The following C12orf56 variants were observed in gnomAD, a reference collection of about 807,000 sequenced individuals.
C12orf56 encodes the protein uncharacterized protein C12orf56.
A neutral mutation model predicts 69.9 loss-of-function variants in C12orf56; 71 were observed. That is an observed-to-expected ratio of 1.02 (90% CI 0.84 to 1.24). C12orf56 has a LOEUF of 1.24. C12orf56 is among the 50% of genes most tolerant of loss of function. C12orf56 has a pLI of 0.00. For synonymous variants in C12orf56, 276 were observed against 274.1 expected, an observed-to-expected ratio of 1.01 and a Z score of -0.07; for missense variants, 732 against 738.5, an observed-to-expected ratio of 0.99 and a Z score of 0.10.
intron 1 of C12orf56, among the ~76,000 whole-genome samples, chr12:64,372,058 G>A (rs1213869314): frequency 6.6e-6 from 1 of 151,980 alleles, no homozygotes; most frequent in Non-Finnish European, 1.5e-5. Flanking sequence ...TAGGATTACA[G>A]GCATGAGCCA....
chr12:64,329,738 CATT>C (rs2038904514), intron 3 of C12orf56, among the ~76,000 whole-genome samples: 1 of 139,806 alleles, frequency 7.2e-6, no homozygotes, highest in African/African-American at 2.7e-5. Context: ...CATGTGATCT[CATT>C]GTTCAATTCC....
intron 2 of C12orf56, chr12:64,338,885 G>T: frequency 1.7e-6 from 1 of 604,488 alleles, no homozygotes; most frequent in South Asian, 1.9e-5. Flanking sequence ...CCCCTGTGCA[G>T]ACCTTGGTTT....
At chr12:64,353,271 C>T (rs1039816551) in intron 1 of C12orf56, among the ~76,000 whole-genome samples, 1 of 152,050 alleles carries the variant, frequency 6.6e-6, no homozygotes, top group African/African-American at 2.4e-5. Context: ...GATTCTCCTG[C>T]CTCAGCCTCC....
At chr12:64,304,319 C>G (rs527734194) in intron 5 of C12orf56, among the ~76,000 whole-genome samples, 1 of 152,246 alleles carries the variant, frequency 6.6e-6, no homozygotes, top group Admixed American at 6.5e-5. Context: ...GAGAGGTTCT[C>G]CCTGATGAGA....
intron 2 of C12orf56, among the ~76,000 whole-genome samples, chr12:64,340,049 A>G (rs2039054472): frequency 6.6e-6 from 1 of 152,064 alleles, no homozygotes. Context: ...GTATTAACTC[A>G]CATGATCACA....
chr12:64,286,010 C>T lies in C12orf56; in HGVS notation c.1164G>A (p.Pro388=), dbSNP rs149133524. The change falls in exon 7 of 13, where the codon CCG becomes CCA. Residue 388 remains proline, a synonymous_variant. Coordinates refer to ENST00000543942, the MANE Select transcript of C12orf56 (RefSeq NM_001170633.2). ...FIVNKLHEYL[P]ESRDKNALQN... ...GTAGTGCATTCTTATCCCTAGACTC[C>T]GGCAAGTACTCATGAAGTTTGTTTA... is the stretch of plus-strand genomic sequence containing the variant. 7.5e-4 allele frequency: 1,203 copies of T among 1,611,366 alleles called. 1 individual carries two copies. Among genetic ancestry groups the T allele is most frequent in the Middle Eastern group, 3.1e-3 (19 of 6,044 alleles).
At chr12:64,371,171 G>A (rs531699306) in intron 1 of C12orf56, among the ~76,000 whole-genome samples, 2 of 152,280 alleles carry the variant, frequency 1.3e-5, no homozygotes, top group South Asian at 4.1e-4. Context: ...GGAGGCCGAG[G>A]CTGGTGGATC....
chr12:64,314,251 A>T (rs1284212744), intron 4 of C12orf56, among the ~76,000 whole-genome samples: 2 of 151,848 alleles, frequency 1.3e-5, no homozygotes, highest in Admixed American at 1.3e-4. Context: ...TTGCCAGGCC[A>T]ATTTTTTACT....
At chr12:64,273,690 C>G (rs973068610) in intron 11 of C12orf56, among the ~76,000 whole-genome samples, 2 of 152,226 alleles carry the variant, frequency 1.3e-5, no homozygotes, top group African/African-American at 4.8e-5. Flanking sequence ...CTGCAGGGCT[C>G]TGCTCACTGT....
At chr12:64,326,981 G>A (rs993933684) in intron 3 of C12orf56, among the ~76,000 whole-genome samples, 3 of 152,160 alleles carry the variant, frequency 2.0e-5, no homozygotes, top group Non-Finnish European at 4.4e-5. Flanking sequence ...ATGGATAAGT[G>A]GGTTAATATG....
chr12:64,366,144 T>C (rs1338103458), intron 1 of C12orf56, among the ~76,000 whole-genome samples: 3 of 128,180 alleles, frequency 2.3e-5, no homozygotes, highest in Non-Finnish European at 4.6e-5. Context: ...GTTTATATAT[T>C]ATGTATAATA....
chr12:64,345,585 C>T lies in C12orf56; in HGVS notation c.415+7309G>A, dbSNP rs143389526. Among the ~76,000 whole-genome samples the T allele has an allele frequency of 4.6e-5, 7 of 152,234 alleles. No individual in the cohort carries two copies. The East Asian group carries it at 5.8e-4, about 13-fold the overall frequency. On this transcript the variant is annotated intron_variant, in intron 2 of 12. Transcript: ENST00000543942. The stretch of plus-strand genomic sequence containing the variant: ...GCATGTATCTTCCATTGCAGGTCAG[C>T]GACTTGCATGATAAGAGCTTGTGTC...
intron 12 of C12orf56, among the ~76,000 whole-genome samples, chr12:64,270,314 T>C (rs1276838702): frequency 6.6e-6 from 1 of 152,020 alleles, no homozygotes; most frequent in Non-Finnish European, 1.5e-5. Context: ...GGCAGGAGAA[T>C]TGCTCAAATC....
intron 2 of C12orf56, chr12:64,338,840 T>C: frequency 1.2e-6 from 1 of 861,780 alleles, no homozygotes; most frequent in Non-Finnish European, 1.9e-6. Context: ...GAGTTTAGGT[T>C]TGAAGGGTGA....
chr12:64,390,737 C>G lies in C12orf56; in HGVS notation c.-172G>C, dbSNP rs187819694. On this transcript the variant is annotated 5_prime_UTR_variant, in exon 1 of 13. Transcript: ENST00000543942. Reference sequence around the variant, plus strand: ...AGGAATCGACGCTAGGTCGGCTTCCCTGGAGCGCCCTCCCCAGCCCTGTCC... The same window carrying G: ...AGGAATCGACGCTAGGTCGGCTTCCGTGGAGCGCCCTCCCCAGCCCTGTCC... 6.6e-6 allele frequency: 6 copies of G among 909,270 alleles called. No individual in the cohort carries two copies. Among genetic ancestry groups the G allele is most frequent in the Middle Eastern group, 7.2e-4 (2 of 2,768 alleles). 56.3% of individuals were successfully genotyped at this position (909,270 alleles called of 1,614,324 possible).
chr12:64,275,073 G>A (rs2038033730), intron 10 of C12orf56, 98 bp from the exon 11 acceptor site: 8 of 1,179,786 alleles, frequency 6.8e-6, no homozygotes, highest in Admixed American at 2.2e-5. Flanking sequence ...CTGATTAATC[G>A]AATCCTTAAA....
chr12:64,366,396 T>G (rs1269505270), intron 1 of C12orf56, among the ~76,000 whole-genome samples: 5 of 90,672 alleles, frequency 5.5e-5, no homozygotes, highest in South Asian at 3.5e-4. Flanking sequence ...ACAGTTTATA[T>G]ATATTATATA....
intron 1 of C12orf56, 102 bp downstream of exon 1, chr12:64,390,212 A>G (rs1213436198): frequency 1.4e-6 from 2 of 1,396,746 alleles, no homozygotes; most frequent in Admixed American, 5.5e-5. Context: ...AGTCGAGGGC[A>G]GGATGGGGCA....
chr12:64,310,511 G>C lies in C12orf56; in HGVS notation c.968+2168C>G, dbSNP rs576137977. 4.6e-5 allele frequency among the ~76,000 whole-genome samples: 7 copies of C among 152,262 alleles called. No homozygotes were observed. In the South Asian group the frequency reaches 1.5e-3, roughly 32 times the overall value. On this transcript the variant is annotated intron_variant, in intron 5 of 12. Coordinates refer to ENST00000543942, the MANE Select transcript of C12orf56 (RefSeq NM_001170633.2). ...ACTCGTTACGGTTCATGGAGGAAAG[G>C]AAGAATATATTAAATTTTTTCCATT...
Sources: gnomAD v4.1 joint callset for allele counts (sites outside exome capture counted in the v4.1 genomes callset) on GRCh38, gnomAD v4.1.1 for gene constraint, MANE v1.5 for transcripts, NCBI Gene and HGNC (gene_info 2026-07-23, HGNC 2026-07-21) for gene names.